ASAP1: variants seen among roughly 807,000 people sequenced by gnomAD.
The protein encoded by ASAP1 is ArfGAP with SH3 domain, ankyrin repeat and PH domain 1, also known as arf-GAP with SH3 domain, ANK repeat and PH domain-containing protein 1.
ASAP1 carries 43 observed loss-of-function variants against 145.2 expected under a neutral mutation model. The ratio of observed to expected loss-of-function variants is 0.30; its 90% CI spans 0.23 to 0.38. The LOEUF (loss-of-function observed/expected upper bound fraction) is 0.38. Ranked by LOEUF, ASAP1 falls within the 10% of genes least tolerant of loss-of-function variation. The pLI is 1.00. For synonymous variants in ASAP1, 546 were observed against 515.5 expected, an observed-to-expected ratio of 1.06 and a Z score of -0.80; for missense variants, 1,018 against 1,355.3, an observed-to-expected ratio of 0.75 and a Z score of 3.91.
chr8:130,245,161 T>A (rs1253983544), intron 3 of ASAP1, among the ~76,000 whole-genome samples: 1 of 152,136 alleles, frequency 6.6e-6, no homozygotes, highest in Non-Finnish European at 1.5e-5. Context: ...TGATTGAGGC[T>A]GCCATGAAGG....
chr8:130,190,843 T>C (rs141687374), intron 5 of ASAP1, among the ~76,000 whole-genome samples: 5 of 152,304 alleles, frequency 3.3e-5, no homozygotes, highest in African/African-American at 1.2e-4. Context: ...GCCAGCATCA[T>C]GCTGGTTTGA....
chr8:130,290,063 G>A (rs969331428), intron 3 of ASAP1, among the ~76,000 whole-genome samples: 2 of 152,252 alleles, frequency 1.3e-5, no homozygotes, highest in Admixed American at 6.5e-5. Flanking sequence ...GCAACGGCCC[G>A]AGAGGTGTCA....
chr8:130,196,627 G>A (rs1466643403), intron 5 of ASAP1, among the ~76,000 whole-genome samples: 2 of 152,232 alleles, frequency 1.3e-5, no homozygotes, highest in Admixed American at 1.3e-4. Flanking sequence ...ATTAATTAAT[G>A]AGGACATAAT....
chr8:130,128,237 A>G, intron 15 of ASAP1, 147 bp from the exon 16 acceptor site: 2 of 523,956 alleles, frequency 3.8e-6, no homozygotes, highest in Non-Finnish European at 6.1e-6. Flanking sequence ...AAATAGCAAT[A>G]AAGTGAGGAA....
At chr8:130,197,969 T>C (rs1056686333) in intron 5 of ASAP1, among the ~76,000 whole-genome samples, 2 of 152,144 alleles carry the variant, frequency 1.3e-5, no homozygotes, top group African/African-American at 4.8e-5. Flanking sequence ...CACTGGACTC[T>C]CTCCCCTGTA....
rs1169822367 is a variant in ASAP1 at position 130,361,852 on chromosome 8, T to C, written c.60-3709A>G. On this transcript the variant is annotated intron_variant, in intron 2 of 29. Coordinates refer to ENST00000518721, the MANE Select transcript of ASAP1 (RefSeq NM_018482.4). ...TGGAGCTGCCCCGAAATATACACCA[T>C]CCTCCCCAAAGCCAGGAAAAATGTG... 4 of 995,334 alleles carry C rather than the reference T, an allele frequency of 4.0e-6. No homozygotes were observed. The African/African-American group carries it at 6.4e-5, about 16-fold the overall frequency. 61.7% of individuals were successfully genotyped at this position (995,334 alleles called of 1,614,324 possible).
At position 130,361,838 on chromosome 8, in the gene ASAP1, C is replaced by T. The variant is rs761597998; in HGVS notation, c.60-3695G>A. 3.8e-5 allele frequency: 42 copies of T among 1,110,630 alleles called. No homozygotes were observed. In the Middle Eastern group the frequency reaches 7.8e-4, roughly 20 times the overall value. 68.8% of individuals were successfully genotyped at this position (1,110,630 alleles called of 1,614,324 possible). On this transcript the variant is annotated intron_variant, in intron 2 of 29. Coordinates refer to ENST00000518721, the MANE Select transcript of ASAP1 (RefSeq NM_018482.4). Reference sequence around the variant, plus strand: ...TGGATTTCTTTGTGTGGAGCTGCCCCGAAATATACACCATCCTCCCCAAAG... The same window carrying T: ...TGGATTTCTTTGTGTGGAGCTGCCCTGAAATATACACCATCCTCCCCAAAG...
chr8:130,321,225 T>C (rs559939934), intron 3 of ASAP1, among the ~76,000 whole-genome samples: 78 of 152,184 alleles, frequency 5.1e-4, no homozygotes, highest in African/African-American at 1.9e-3. Flanking sequence ...CAGAGACAGG[T>C]GACTGCAAAG....
chr8:130,239,239 T>A (rs1818385834), intron 3 of ASAP1, among the ~76,000 whole-genome samples: 1 of 152,094 alleles, frequency 6.6e-6, no homozygotes, highest in Admixed American at 6.6e-5. Context: ...CTGAAAAGAT[T>A]TAAGATTTGC....
chr8:130,293,908 G>A (rs911461419), intron 3 of ASAP1, among the ~76,000 whole-genome samples: 8 of 152,198 alleles, frequency 5.3e-5, no homozygotes, highest in African/African-American at 1.9e-4. Context: ...TGCTGAGGGA[G>A]CAACAATGAA....
At chr8:130,355,651 T>C (rs6415514) in intron 3 of ASAP1, among the ~76,000 whole-genome samples, 122,467 of 152,054 alleles carry the variant, frequency 0.81, 49,733 homozygotes, top group African/African-American at 0.9. Flanking sequence ...TAATGTTAAG[T>C]CCCATATTTT....
chr8:130,072,791 A>ATGTGTGTGCGTG (rs1491261390), intron 27 of ASAP1, among the ~76,000 whole-genome samples: 3 of 91,166 alleles, frequency 3.3e-5, no homozygotes, highest in African/African-American at 1.2e-4. Context: ...CTTGCAATTG[A>ATGTGTGTGCGTG]TATGTGTGTG....
chr8:130,320,027 C>T (rs181283423), intron 3 of ASAP1, among the ~76,000 whole-genome samples: 20 of 152,266 alleles, frequency 1.3e-4, no homozygotes, highest in Admixed American at 4.6e-4. Flanking sequence ...TATTAGTATT[C>T]ACAAAATTAG....
At chr8:130,295,219 G>T (rs1283953976) in intron 3 of ASAP1, among the ~76,000 whole-genome samples, 1 of 152,136 alleles carries the variant, frequency 6.6e-6, no homozygotes, top group African/African-American at 2.4e-5. Context: ...GAAGTTCAAG[G>T]CTACAGTGAG....
Position 130,112,153 on chromosome 8 carries a change from T to A in ASAP1, c.2342A>T (p.Asp781Val), listed in dbSNP as rs1176748094. ...TNQIFVSTST[D>V]SPTSPTTEAP... The stretch of plus-strand genomic sequence containing the variant: ...CTCCGTGGTTGGTGATGTGGGCGAG[T>A]CTGTGCTTGTGGAAACGAAGATCTG... Residue 781 changes from aspartate (D) to valine (V), a missense_variant, in exon 24 of 30, where the codon GAC becomes GTC. Coordinates refer to ENST00000518721, the MANE Select transcript of ASAP1 (RefSeq NM_018482.4). 6.2e-7 allele frequency: 1 copy of A among 1,613,830 alleles called. No homozygotes were observed.
intron 2 of ASAP1, among the ~76,000 whole-genome samples, chr8:130,400,715 C>T (rs774958544): frequency 2.7e-5 from 4 of 146,828 alleles, no homozygotes; most frequent in Middle Eastern, 3.5e-3. Flanking sequence ...GGCGTGAAGC[C>T]GGGAGGCGGA....
intron 2 of ASAP1, among the ~76,000 whole-genome samples, chr8:130,392,558 A>G (rs1277639818): frequency 7.2e-5 from 11 of 152,250 alleles, no homozygotes; most frequent in Admixed American, 7.2e-4. Flanking sequence ...GTATGAGGAA[A>G]GTACTGTTAT....
chr8:130,141,491 C>A (rs547026850), intron 13 of ASAP1, among the ~76,000 whole-genome samples: 25 of 152,122 alleles, frequency 1.6e-4, no homozygotes, highest in Non-Finnish European at 3.5e-4. Flanking sequence ...TTTTTGTACA[C>A]CCTGCTGTAT....
At chr8:130,325,330 C>T (rs549040050) in intron 3 of ASAP1, among the ~76,000 whole-genome samples, 1 of 152,176 alleles carries the variant, frequency 6.6e-6, no homozygotes, top group Non-Finnish European at 1.5e-5. Flanking sequence ...ATACAGATTT[C>T]TAGCACTGAG....
Sources: allele counts gnomAD v4.1 joint callset (sites outside exome capture counted in the v4.1 genomes callset), GRCh38; gene constraint gnomAD v4.1.1; transcripts MANE v1.5; gene names NCBI Gene and HGNC (gene_info 2026-07-23, HGNC 2026-07-21).